Variants in CLVS1 observed in about 807,000 individuals in gnomAD.
CLVS1 encodes clavesin-1.
Under a neutral mutation model 33.1 loss-of-function variants are expected in CLVS1, and 10 were observed. That is an observed-to-expected ratio of 0.30 (90% CI 0.19 to 0.51). The LOEUF (loss-of-function observed/expected upper bound fraction) is 0.51. Among genes scored for constraint, CLVS1 ranks in the 20% least tolerant of loss-of-function variants. CLVS1 has a pLI of 0.97. For missense variants in CLVS1, 343 were observed against 433.4 expected (o/e 0.79, Z 1.85); for synonymous variants, 163 against 166.1 (o/e 0.98, Z 0.14).
At chr8:61,083,226 C>G (rs544154333) in intron 1 of CLVS1, among the ~76,000 whole-genome samples, 246 of 152,302 alleles carry the variant, frequency 1.6e-3, no homozygotes, top group Non-Finnish European at 3.0e-3. Flanking sequence ...ACGTGCCACT[C>G]TCCTCTGCCT....
intron 3 of CLVS1, 86 bp from the exon 4 acceptor site, chr8:61,454,055 G>A: frequency 1.1e-6 from 1 of 897,142 alleles, no homozygotes; most frequent in Non-Finnish European, 1.9e-6. Flanking sequence ...GGAAAAACAG[G>A]TTGTTCTTTG....
chr8:61,210,740 G>A (rs1339343287), intron 2 of CLVS1, among the ~76,000 whole-genome samples: 3 of 152,194 alleles, frequency 2.0e-5, no homozygotes, highest in Admixed American at 6.5e-5. Flanking sequence ...TATGGACACC[G>A]TAAGATAATA....
At chr8:61,217,273 T>C (rs1454692785) in intron 2 of CLVS1, among the ~76,000 whole-genome samples, 1 of 152,168 alleles carries the variant, frequency 6.6e-6, no homozygotes. Context: ...GTAAACACCA[T>C]GAACCACAAG....
intron 2 of CLVS1, among the ~76,000 whole-genome samples, chr8:61,215,124 G>C (rs1332915123): frequency 1.3e-5 from 2 of 152,088 alleles, no homozygotes; most frequent in Non-Finnish European, 2.9e-5. Flanking sequence ...ATCTTCTGAA[G>C]TTTTATGGTC....
the CLVS1 span, among the ~76,000 whole-genome samples, chr8:60,985,390 C>T: frequency 6.6e-6 from 1 of 152,176 alleles, no homozygotes; most frequent in African/African-American, 2.4e-5. Flanking sequence ...CCACCTTGAT[C>T]GCCACTGGTC....
At chr8:61,286,128 T>G (rs939650729), upstream of CLVS1, among the ~76,000 whole-genome samples, 4 of 152,082 alleles carry the variant, frequency 2.6e-5, no homozygotes, top group African/African-American at 9.7e-5. Flanking sequence ...AACTGTGGCT[T>G]CTTCTTTGTT....
At chr8:61,259,521 C>T (rs115762186) in intron 2 of CLVS1, among the ~76,000 whole-genome samples, 43 of 152,266 alleles carry the variant, frequency 2.8e-4, no homozygotes, top group African/African-American at 1.0e-3. Flanking sequence ...CATATGCAGT[C>T]CTGTGTAGAG....
chr8:61,428,017 A>G (rs1006963871), intron 3 of CLVS1, among the ~76,000 whole-genome samples: 25 of 152,242 alleles, frequency 1.6e-4, no homozygotes, highest in Admixed American at 1.0e-3. Context: ...CTAGGAAATA[A>G]TTAAATTAAA....
upstream of CLVS1, among the ~76,000 whole-genome samples, chr8:61,052,301 C>CTAAA (rs1804398529): frequency 6.6e-6 from 1 of 152,082 alleles, no homozygotes; most frequent in African/African-American, 2.4e-5. Context: ...ACCTAACTAA[C>CTAAA]TAAATAAGTA....
At chr8:61,395,449 C>T (rs1395183036) in intron 3 of CLVS1, among the ~76,000 whole-genome samples, 1 of 152,086 alleles carries the variant, frequency 6.6e-6, no homozygotes, top group Non-Finnish European at 1.5e-5. Flanking sequence ...TGCTAATAGG[C>T]TTTTAACATT....
chr8:61,184,155 T>C (rs961585053), intron 2 of CLVS1, among the ~76,000 whole-genome samples: 1 of 152,034 alleles, frequency 6.6e-6, no homozygotes, highest in Non-Finnish European at 1.5e-5. Flanking sequence ...AGCCCAAACT[T>C]GAGAAACTTG....
intron 2 of CLVS1, among the ~76,000 whole-genome samples, chr8:61,167,474 GC>G (rs1423388262): frequency 6.6e-6 from 1 of 152,040 alleles, no homozygotes; most frequent in Admixed American, 6.6e-5. Flanking sequence ...GAGCCACCGT[GC>G]CCGGTCCAGC....
intron 1 of CLVS1, among the ~76,000 whole-genome samples, chr8:61,293,702 G>T (rs1020094559): frequency 2.0e-5 from 3 of 151,968 alleles, no homozygotes; most frequent in African/African-American, 7.3e-5. Flanking sequence ...TTTTTAGCAA[G>T]GTAAAGAGCT....
At chr8:61,390,048 A>G (rs1814241501) in intron 3 of CLVS1, among the ~76,000 whole-genome samples, 1 of 152,216 alleles carries the variant, frequency 6.6e-6, no homozygotes, top group South Asian at 2.1e-4. Context: ...GTTGAAATCC[A>G]TAATATTGTC....
chr8:60,976,379 A>T, the CLVS1 span, among the ~76,000 whole-genome samples: 2 of 150,252 alleles, frequency 1.3e-5, no homozygotes, highest in Non-Finnish European at 3.0e-5. Context: ...TTTTTTAGAG[A>T]CAAGTTCTCA....
At chr8:61,390,914 C>T (rs888663231) in intron 3 of CLVS1, 3 of 151,386 alleles carry the variant, frequency 2.0e-5, no homozygotes, top group African/African-American at 7.3e-5. Flanking sequence ...ACTGCCTTTG[C>T]TATAGCAAGT....
chr8:61,356,789 C>T (rs1325006221), intron 2 of CLVS1, among the ~76,000 whole-genome samples: 1 of 152,186 alleles, frequency 6.6e-6, no homozygotes, highest in Non-Finnish European at 1.5e-5. Context: ...TGTTTTGGTA[C>T]CAGTACCATG....
At chr8:61,377,804 C>G (rs1353310537) in intron 3 of CLVS1, 1 of 152,110 alleles carries the variant, frequency 6.6e-6, no homozygotes, top group Non-Finnish European at 1.5e-5. Context: ...TGAAATGTAT[C>G]CTATTTCCCA....
intron 5 of CLVS1, among the ~76,000 whole-genome samples, chr8:61,486,098 A>AAAATAAATAAATAAATAAATAAAT (rs57652285): frequency 1.2e-4 from 18 of 150,200 alleles, no homozygotes; most frequent in Non-Finnish European, 2.2e-4. Context: ...AAGTATAATT[A>AAAATAAATAAATAAATAAATAAAT]AAATAAATAA....
Sources: allele counts gnomAD v4.1 joint callset (sites outside exome capture counted in the v4.1 genomes callset), GRCh38; gene constraint gnomAD v4.1.1; transcripts MANE v1.5; gene names NCBI Gene and HGNC (gene_info 2026-07-23, HGNC 2026-07-21).